Variants in PKIB observed in about 807,000 individuals in gnomAD.
PKIB encodes cAMP-dependent protein kinase inhibitor beta.
Under a neutral mutation model 4.5 loss-of-function variants are expected in PKIB, and 2 were observed. The observed-to-expected ratio is 0.44, with a 90% CI of 0.18 to 1.39. The LOEUF is 1.39. PKIB is among the 40% of genes most tolerant of loss of function. The pLI, the probability that PKIB is intolerant of heterozygous loss-of-function variation, is 0.27. For missense variants in PKIB, 94 were observed against 92.6 expected, an observed-to-expected ratio of 1.02 and a Z score of -0.06; for synonymous variants, 38 against 36.0, an observed-to-expected ratio of 1.06 and a Z score of -0.20.
At chr6:122,614,084 A>C (rs774700611) in intron 1 of PKIB, among the ~76,000 whole-genome samples, 3 of 152,094 alleles carry the variant, frequency 2.0e-5, no homozygotes, top group Non-Finnish European at 2.9e-5. Context: ...TTATGTGCCC[A>C]GAGCAGAGTG....
chr6:122,564,367 T>G (rs1225295178), intron 2 of PKIB, among the ~76,000 whole-genome samples: 2 of 152,306 alleles, frequency 1.3e-5, no homozygotes, highest in Non-Finnish European at 2.9e-5. Context: ...ATGATGATCC[T>G]AGAATTCCAT....
intron 2 of PKIB, among the ~76,000 whole-genome samples, chr6:122,568,186 A>T (rs1773250335): frequency 6.6e-6 from 1 of 152,186 alleles, no homozygotes; most frequent in South Asian, 2.1e-4. Context: ...AAAGAAGCAA[A>T]TTTAATTTAA....
chr6:122,624,053 G>T (rs1368268156), intron 1 of PKIB, among the ~76,000 whole-genome samples: 1 of 152,112 alleles, frequency 6.6e-6, no homozygotes, highest in Non-Finnish European at 1.5e-5. Flanking sequence ...GGGAAGTCTA[G>T]ACTGTTCCAG....
intron 2 of PKIB, among the ~76,000 whole-genome samples, chr6:122,558,096 A>G (rs931941967): frequency 6.6e-6 from 1 of 152,128 alleles, no homozygotes; most frequent in Non-Finnish European, 1.5e-5. Context: ...AACTTACTGA[A>G]GCAGAAAGGT....
intron 1 of PKIB, among the ~76,000 whole-genome samples, chr6:122,631,119 C>T (rs1775682802): frequency 6.6e-6 from 1 of 152,180 alleles, no homozygotes; most frequent in Admixed American, 6.5e-5. Context: ...CTATTACACA[C>T]ACTCTACATT....
At chr6:122,543,432 T>A (rs929165673) in intron 2 of PKIB, among the ~76,000 whole-genome samples, 1 of 146,658 alleles carries the variant, frequency 6.8e-6, no homozygotes, top group African/African-American at 2.6e-5. Flanking sequence ...TAGACTGGAG[T>A]GCAATGGCAT....
intron 1 of PKIB, among the ~76,000 whole-genome samples, chr6:122,625,196 A>G (rs1775384398): frequency 6.6e-6 from 1 of 152,236 alleles, no homozygotes; most frequent in Non-Finnish European, 1.5e-5. Context: ...AACTACTTGT[A>G]TAAACTGATA....
At position 122,623,288 on chromosome 6, in the gene PKIB, A is replaced by G. The variant is rs1036123021; in HGVS notation, c.-160-9995A>G. On this transcript the variant is annotated intron_variant, in intron 1 of 4. Coordinates refer to ENST00000368452, the MANE Select transcript of PKIB (RefSeq NM_181795.3). ...AAATTACTCTTTAGGAGAGTTGACAAAAAGTTGAAACTAATTAGCTCTTGT... is the reference window on the plus strand; with the variant it reads ...AAATTACTCTTTAGGAGAGTTGACAGAAAGTTGAAACTAATTAGCTCTTGT... Among the ~76,000 whole-genome samples the G allele has an allele frequency of 5.3e-5, 8 of 152,336 alleles. No homozygotes were observed. In the East Asian group the frequency reaches 1.5e-3, roughly 29 times the overall value.
At chr6:122,623,279 G>T (rs1276350356) in intron 1 of PKIB, among the ~76,000 whole-genome samples, 1 of 152,156 alleles carries the variant, frequency 6.6e-6, no homozygotes, top group East Asian at 1.9e-4. Flanking sequence ...CTCTTTAGGA[G>T]AGTTGACAAA....
chr6:122,497,802 A>G (rs1215759210), intron 2 of PKIB, among the ~76,000 whole-genome samples: 4 of 152,172 alleles, frequency 2.6e-5, no homozygotes. Context: ...TAGACAGATC[A>G]TAGAGGAAGA....
intron 2 of PKIB, among the ~76,000 whole-genome samples, chr6:122,649,114 G>A (rs1776442951): frequency 6.6e-6 from 1 of 152,190 alleles, no homozygotes; most frequent in African/African-American, 2.4e-5. Flanking sequence ...TGAATGTTAT[G>A]TTCTATGTCC....
chr6:122,576,984 A>G (rs1461444289), intron 2 of PKIB, among the ~76,000 whole-genome samples: 2 of 152,018 alleles, frequency 1.3e-5, no homozygotes. Context: ...GCATTCATAC[A>G]TTTCTTCATA....
chr6:122,541,209 A>G (rs1345377129), intron 2 of PKIB, among the ~76,000 whole-genome samples: 1 of 152,024 alleles, frequency 6.6e-6, no homozygotes, highest in Non-Finnish European at 1.5e-5. Flanking sequence ...TTATTTGTGA[A>G]TTTGGTCCTG....
chr6:122,507,650 T>G (rs1582664937), intron 2 of PKIB, among the ~76,000 whole-genome samples: 1 of 149,798 alleles, frequency 6.7e-6, no homozygotes, highest in Non-Finnish European at 1.5e-5. Context: ...GGGGCGGGGG[T>G]GGAAATCTTG....
rs141660978 is a variant in PKIB at position 122,524,287 on chromosome 6, TCTC to T, written c.-248+46355_-248+46357del. On this transcript the variant is annotated intron_variant, in intron 2 of 6. Transcript: ENST00000392491. ...CCTCCTCCTCCTTCTTGTTCTTCCT[TCTC>T]CTCCTCATCCTCTTTCTTTTTCTTT... Among the ~76,000 whole-genome samples the T allele has an allele frequency of 2.1e-3, 306 of 145,174 alleles. 7 individuals carry two copies. In the East Asian group the frequency reaches 0.042, roughly 20 times the overall value.
intron 2 of PKIB, among the ~76,000 whole-genome samples, chr6:122,492,589 T>C (rs563895587): frequency 6.6e-6 from 1 of 152,310 alleles, no homozygotes; most frequent in East Asian, 1.9e-4. Context: ...CTTTTAGTGA[T>C]CAAACTACAT....
intron 1 of PKIB, among the ~76,000 whole-genome samples, chr6:122,613,758 G>T (rs549765388): frequency 1.3e-5 from 2 of 152,028 alleles, no homozygotes; most frequent in African/African-American, 4.8e-5. Context: ...AAGGTCAAGA[G>T]GTAGAGACCA....
At chr6:122,648,426 T>C (rs1348869078) in intron 2 of PKIB, among the ~76,000 whole-genome samples, 1 of 152,192 alleles carries the variant, frequency 6.6e-6, no homozygotes, top group Non-Finnish European at 1.5e-5. Context: ...TAGAGGATAT[T>C]TCTAGAGCCC....
At chr6:122,481,848 A>G (rs989582637) in intron 2 of PKIB, 1 of 152,156 alleles carries the variant, frequency 6.6e-6, no homozygotes, top group Non-Finnish European at 1.5e-5. Context: ...TTCCTATTTT[A>G]CCTGTAGTTA....
Sources: gnomAD v4.1 joint callset for allele counts (sites outside exome capture counted in the v4.1 genomes callset) on GRCh38, gnomAD v4.1.1 for gene constraint, MANE v1.5 for transcripts, NCBI Gene and HGNC (gene_info 2026-07-23, HGNC 2026-07-21) for gene names.